The following FAM120AOS variants were observed in gnomAD, a reference collection of about 807,000 sequenced individuals.
FAM120AOS encodes uncharacterized protein FAM120AOS.
Under a neutral mutation model 20.2 loss-of-function variants are expected in FAM120AOS, and 15 were observed. That is an observed-to-expected ratio of 0.74 (90% CI 0.50 to 1.15). The LOEUF is 1.15. Among genes scored for constraint, FAM120AOS ranks in the 50% most tolerant of loss-of-function variants. The pLI is 0.00. For synonymous variants in FAM120AOS, 154 were observed against 154.0 expected (o/e 1.00, Z 0.00); for missense variants, 327 against 351.9 (o/e 0.93, Z 0.57).
At chr9:93,451,759 A>C (rs1339092289) in intron 1 of FAM120AOS, 3 of 977,490 alleles carry the variant, frequency 3.1e-6, no homozygotes, top group African/African-American at 1.8e-5. Flanking sequence ...GCGGCAGCAC[A>C]TGGCGGCCGC....
chr9:93,448,107 G>A (rs1476233617), intron 2 of FAM120AOS, among the ~76,000 whole-genome samples: 2 of 152,194 alleles, frequency 1.3e-5, no homozygotes, highest in African/African-American at 2.4e-5. Flanking sequence ...GATTACATGG[G>A]CAGCATTAAG....
Position 93,452,599 on chromosome 9 carries a change from C to T in FAM120AOS, c.111G>A (p.Arg37=), listed in dbSNP as rs1457119956. 5.0e-6 allele frequency: 8 copies of T among 1,598,672 alleles called. No homozygotes were observed. The highest frequency in any genetic ancestry group is 6.8e-6 in the Non-Finnish European group (8 of 1,179,610). The change falls in exon 1 of 3, where the codon AGG becomes AGA. Residue 37 remains arginine (R), a synonymous_variant. Transcript: ENST00000375412. The surrounding 1 kb of genome is among the most constrained non-coding windows in gnomAD (Gnocchi z 7.0). ...CTGCCCAAGCCCGTCTCCAGCTGTC[C>T]CTGTTCGGGGTCCGCGGCCGCGTGG... ...SVPTRPRTPN[R]DSWRRAWAAR...
In FAM120AOS at chr9:93,444,063, G is replaced by A. The variant is rs1040593638; in HGVS notation, c.*3548C>T. Reference sequence around the variant, plus strand: ...TGTTTTTGTTTTTGTTTTTTGAGACGGAGTTTTGCTCTTGCTGTCCAGGCT... The same window carrying A: ...TGTTTTTGTTTTTGTTTTTTGAGACAGAGTTTTGCTCTTGCTGTCCAGGCT... On this transcript the variant is annotated 3_prime_UTR_variant, in exon 3 of 3. Coordinates refer to ENST00000375412, the MANE Select transcript of FAM120AOS (RefSeq NM_198841.4). Among the ~76,000 whole-genome samples, 25 of 152,066 alleles carry A rather than the reference G, an allele frequency of 1.6e-4. No individual in the cohort carries two copies. Among genetic ancestry groups the A allele is most frequent in the Non-Finnish European group, 3.5e-4 (24 of 68,016 alleles).
chr9:93,451,244 C>A lies in FAM120AOS; in HGVS notation c.564-645G>T, dbSNP rs562483758. ...CGGCGTTAGAAAGGCGGCGTCCCGA[C>A]GAACAGAGTGACTCGGCCTCGGCTC... On this transcript the variant is annotated intron_variant, in intron 1 of 2. Coordinates refer to ENST00000375412, the MANE Select transcript of FAM120AOS (RefSeq NM_198841.4). 2.6e-6 allele frequency: 4 copies of A among 1,517,030 alleles called. No homozygotes were observed. The South Asian group carries it at 4.9e-5, about 19-fold the overall frequency. The allele number at this position is 1,517,030 out of a possible 1,614,324, so 94.0% of individuals were successfully genotyped here.
chr9:93,453,130 T>C lies in FAM120AOS; in HGVS notation c.-421A>G, dbSNP rs1588762393. 2 of 1,006,176 alleles carry C rather than the reference T, an allele frequency of 2.0e-6. No homozygotes were observed. The highest frequency in any genetic ancestry group is 2.4e-6 in the Non-Finnish European group (2 of 843,858). The allele number at this position is 1,006,176 out of a possible 1,614,324, so 62.3% of individuals were successfully genotyped here. A position where few individuals can be genotyped will look rare whatever the true frequency, so the allele number is the denominator to read the frequency against. On this transcript the variant is annotated 5_prime_UTR_variant, in exon 1 of 3. Coordinates refer to ENST00000375412, the MANE Select transcript of FAM120AOS (RefSeq NM_198841.4). ...CTTTAAGGCAGTTCGGTTTTGTAGA[T>C]CCCATGCGAAAGGAGTCGCTCAAAA...
intron 1 of FAM120AOS, chr9:93,451,706 G>A: frequency 1.0e-6 from 1 of 982,928 alleles, no homozygotes; most frequent in Non-Finnish European, 1.2e-6. Flanking sequence ...AGCGGCGGCA[G>A]CGGCGGCGGC....
At chr9:93,450,347 A>T in intron 2 of FAM120AOS, 132 bp downstream of exon 2, 1 of 1,329,506 alleles carries the variant, frequency 7.5e-7, no homozygotes, top group Non-Finnish European at 1.0e-6. Context: ...TGCATAGGTG[A>T]GTGGCATAAC....
chr9:93,445,724 G>A lies in FAM120AOS; in HGVS notation c.*1887C>T, dbSNP rs1259534911. 6.6e-6 allele frequency among the ~76,000 whole-genome samples: 1 copy of A among 151,328 alleles called. No homozygotes were observed. The highest frequency in any genetic ancestry group is 1.5e-5 in the Non-Finnish European group (1 of 67,954). Reference sequence around the variant, plus strand: ...TCCCACCTCAGCCTCCTGAGAAGATGGGACTACAGGTGCACACCTCACCTG... The same window carrying A: ...TCCCACCTCAGCCTCCTGAGAAGATAGGACTACAGGTGCACACCTCACCTG... On this transcript the variant is annotated 3_prime_UTR_variant, in exon 3 of 3. Transcript: ENST00000375412.
chr9:93,448,433 C>T, intron 2 of FAM120AOS: 1 of 215,786 alleles, frequency 4.6e-6, no homozygotes, highest in South Asian at 4.9e-5. Context: ...AGGGAGGTTG[C>T]AGTGAGCTGA....
intron 2 of FAM120AOS, among the ~76,000 whole-genome samples, 159 bp from the exon 3 acceptor site, chr9:93,447,856 A>C (rs1018569785): frequency 5.3e-5 from 8 of 152,234 alleles, no homozygotes; most frequent in Non-Finnish European, 1.0e-4. Flanking sequence ...GAGCCTGAAG[A>C]CCAAAAAACT....
At position 93,447,508 on chromosome 9, in the gene FAM120AOS, G is replaced by T; in HGVS notation, c.*103C>A. On this transcript the variant is annotated 3_prime_UTR_variant, in exon 3 of 3. Coordinates refer to ENST00000375412, the MANE Select transcript of FAM120AOS (RefSeq NM_198841.4). Reference sequence around the variant, plus strand: ...TATAGAGAGAACTCTGAAACCAGAAGCAGAAGCTGAGGAATGGTGAATAGA... The same window carrying T: ...TATAGAGAGAACTCTGAAACCAGAATCAGAAGCTGAGGAATGGTGAATAGA... 1 of 1,062,772 alleles carries T rather than the reference G, an allele frequency of 9.4e-7. No individual in the cohort carries two copies. The highest frequency in any genetic ancestry group is 1.4e-6 in the Non-Finnish European group (1 of 703,270). 65.8% of individuals were successfully genotyped at this position (1,062,772 alleles called of 1,614,324 possible).
In FAM120AOS at chr9:93,444,412, C is replaced by A. The variant is rs916569670; in HGVS notation, c.*3199G>T. ...AAAGGAAAAAAGCAAGGGATTATAGCCACACTTTCTAGCTTGCCGGGCCCC... is the reference window on the plus strand; with the variant it reads ...AAAGGAAAAAAGCAAGGGATTATAGACACACTTTCTAGCTTGCCGGGCCCC... On this transcript the variant is annotated 3_prime_UTR_variant, in exon 3 of 3. Transcript: ENST00000375412. Among the ~76,000 whole-genome samples, 1 of 152,150 alleles carries A rather than the reference C, an allele frequency of 6.6e-6. No individual in the cohort carries two copies. The highest frequency in any genetic ancestry group is 2.4e-5 in the African/African-American group (1 of 41,424).
chr9:93,447,858 C>CA (rs1213900567), intron 2 of FAM120AOS, among the ~76,000 whole-genome samples, 161 bp from the exon 3 acceptor site: 1 of 152,104 alleles, frequency 6.6e-6, no homozygotes, highest in African/African-American at 2.4e-5. Flanking sequence ...GCCTGAAGAC[C>CA]AAAAAACTCA....
rs780374376 is a variant in FAM120AOS, at chr9:93,450,583, C to T, written c.580G>A (p.Ala194Thr). The part of the protein sequence containing the change: ...ASAARNLCRG[A>T]GCNRQAVAGQ... ...GCCACAGCCTGTCGGTTGCATCCTGCTCCTCTACAGAGGTTTCTCCAAAAA... is the reference window on the plus strand; with the variant it reads ...GCCACAGCCTGTCGGTTGCATCCTGTTCCTCTACAGAGGTTTCTCCAAAAA... The change falls in exon 2 of 3, where the codon GCA becomes ACA. Residue 194 changes from alanine to threonine, a missense_variant. Coordinates refer to ENST00000375412, the MANE Select transcript of FAM120AOS (RefSeq NM_198841.4). The T allele has an allele frequency of 1.2e-6, 2 of 1,606,690 alleles. No individual in the cohort carries two copies. The highest frequency in any genetic ancestry group is 4.5e-5 in the East Asian group (2 of 44,818).
intron 2 of FAM120AOS, among the ~76,000 whole-genome samples, chr9:93,448,677 G>C (rs1277377865): frequency 6.6e-6 from 1 of 152,008 alleles, no homozygotes; most frequent in African/African-American, 2.4e-5. Context: ...GAATGCAGTG[G>C]CGTGATCTCG....
At position 93,451,898 on chromosome 9, in the gene FAM120AOS, C is replaced by T. The variant is rs1248681638; in HGVS notation, c.563+249G>A. ...GCCGCCCCCCGCCCGCACCCGCGCCCGCGCCCCCGCCGCCGCCATGGGCGT... is the reference window on the plus strand; with the variant it reads ...GCCGCCCCCCGCCCGCACCCGCGCCTGCGCCCCCGCCGCCGCCATGGGCGT... On this transcript the variant is annotated intron_variant, in intron 1 of 2. Transcript: ENST00000375412. The T allele has an allele frequency of 4.0e-6, 5 of 1,260,842 alleles. No homozygotes were observed. The African/African-American group carries it at 6.3e-5, about 16-fold the overall frequency. 78.1% of individuals were successfully genotyped at this position (1,260,842 alleles called of 1,614,324 possible).
rs1253395441 is a variant in FAM120AOS at position 93,444,308 on chromosome 9, G to A, written c.*3303C>T. On this transcript the variant is annotated 3_prime_UTR_variant, in exon 3 of 3. Coordinates refer to ENST00000375412, the MANE Select transcript of FAM120AOS (RefSeq NM_198841.4). ...ACCCGTCTTGGCCTCCCAAAGTGCT[G>A]GGATGACAGGCGTGAGCCACCGTGT... Among the ~76,000 whole-genome samples, 1 of 152,120 alleles carries A rather than the reference G, an allele frequency of 6.6e-6. No homozygotes were observed. Among genetic ancestry groups the A allele is most frequent in the Non-Finnish European group, 1.5e-5 (1 of 68,028 alleles).
intron 1 of FAM120AOS, chr9:93,451,039 A>G (rs1252738039): frequency 1.3e-6 from 2 of 1,550,274 alleles, no homozygotes; most frequent in Non-Finnish European, 1.7e-6. Flanking sequence ...GTCATTTGTC[A>G]TAGGTGTAAA....
Position 93,447,599 on chromosome 9 carries a change from G to C in FAM120AOS, c.*12C>G. On this transcript the variant is annotated 3_prime_UTR_variant, in exon 3 of 3. Coordinates refer to ENST00000375412, the MANE Select transcript of FAM120AOS (RefSeq NM_198841.4). Reference sequence around the variant, plus strand: ...TCCTTTCAATGCCTCTGCAGAACTTGACCCTAGTTTTTCAAATTGGACTCA... The same window carrying C: ...TCCTTTCAATGCCTCTGCAGAACTTCACCCTAGTTTTTCAAATTGGACTCA... 6.2e-7 allele frequency: 1 copy of C among 1,612,380 alleles called. No individual in the cohort carries two copies. Among genetic ancestry groups the C allele is most frequent in the Non-Finnish European group, 8.5e-7 (1 of 1,178,820 alleles).
Sources: allele counts gnomAD v4.1 joint callset (sites outside exome capture counted in the v4.1 genomes callset), GRCh38; gene constraint gnomAD v4.1.1; non-coding constraint Gnocchi (gnomAD v3.1); transcripts MANE v1.5; gene names NCBI Gene and HGNC (gene_info 2026-07-23, HGNC 2026-07-21).